Variants in KRT84 observed in about 807,000 individuals in gnomAD.
KRT84 encodes the protein keratin 84, also known as keratin, type II cuticular Hb4.
In KRT84, 38 loss-of-function variants were observed where a neutral mutation model predicts 49.0. The observed-to-expected ratio is 0.78, with a 90% CI of 0.60 to 1.02. KRT84 has a LOEUF of 1.02. KRT84 is among the 50% of genes least tolerant of loss of function. The probability of loss-of-function intolerance (pLI) is 0.00; values close to 1 mark genes in which losing one functional copy is unlikely to be tolerated. For missense variants in KRT84, 860 were observed against 788.6 expected, an observed-to-expected ratio of 1.09 and a Z score of -1.08; for synonymous variants, 334 against 312.8, an observed-to-expected ratio of 1.07 and a Z score of -0.72.
Position 52,381,088 on chromosome 12 carries a change from T to C in KRT84, c.1195A>G (p.Lys399Glu), listed in dbSNP as rs758410323. The change falls in exon 6 of 9, where the codon AAG (lysine) becomes GAG (glutamate). Residue 399 changes from lysine (K) to glutamate (E), a missense_variant. Coordinates refer to ENST00000257951, the MANE Select transcript of KRT84 (RefSeq NM_033045.4). Reference sequence around the variant, plus strand: ...TCCTTTCCTTTGCCCACCTGAGCCTTGGCGTGCTCAATCTCTGCCTTAAGC... The same window carrying C: ...TCCTTTCCTTTGCCCACCTGAGCCTCGGCGTGCTCAATCTCTGCCTTAAGC... The part of the protein sequence containing the change: ...QRLKAEIEHA[K>E]AQRAKLEAAV... 7.4e-6 allele frequency: 12 copies of C among 1,613,940 alleles called. No individual in the cohort carries two copies. The highest frequency in any genetic ancestry group is 1.0e-5 in the Non-Finnish European group (12 of 1,179,976).
In KRT84 at chr12:52,381,440, A is replaced by T. The variant is rs781128772; in HGVS notation, c.998T>A (p.Ile333Asn). The change falls in exon 5 of 9, where the codon ATC becomes AAC. Residue 333 changes from isoleucine to asparagine, a missense_variant. By Grantham distance (149) the Ile-to-Asn change is moderately radical. Coordinates refer to ENST00000257951, the MANE Select transcript of KRT84 (RefSeq NM_033045.4). ...ATACTGGGCCTTGACCTCAGCAATG[A>T]TCCCATCAAGGTTCAGGTCACGGCT... ...DNSRDLNLDGIIAEVKAQYEE... is the reference protein window; with the variant it reads ...DNSRDLNLDGNIAEVKAQYEE... The T allele has an allele frequency of 7.4e-6, 12 of 1,614,170 alleles. No individual in the cohort carries two copies. The South Asian group carries it at 1.3e-4, about 18-fold the overall frequency.
chr12:52,380,239 G>T, intron 7 of KRT84, 124 bp downstream of exon 7: 1 of 1,194,834 alleles, frequency 8.4e-7, no homozygotes. Flanking sequence ...AATGTTTGCA[G>T]AGAAGGTATT....
At chr12:52,382,638 T>A in intron 3 of KRT84, 106 bp from the exon 4 acceptor site, 2 of 877,020 alleles carry the variant, frequency 2.3e-6, no homozygotes, top group Non-Finnish European at 3.7e-6. Context: ...CCACAGATGG[T>A]AAGGTCGCTG....
At chr12:52,381,041 C>T (rs1414440244) in intron 6 of KRT84, 39 bp downstream of exon 6, 1 of 1,605,940 alleles carries the variant, frequency 6.2e-7, no homozygotes, top group Non-Finnish European at 8.5e-7. Context: ...GGCCCTGGTT[C>T]TCCCTCATCT....
Position 52,385,271 on chromosome 12 carries a change from C to T in KRT84, c.315G>A (p.Leu105=). The T allele has an allele frequency of 1.2e-6, 2 of 1,614,096 alleles. No homozygotes were observed. Among genetic ancestry groups the T allele is most frequent in the Non-Finnish European group, 1.7e-6 (2 of 1,180,036 alleles). The change falls in exon 1 of 9, where the codon CTG becomes CTA. Residue 105 remains leucine, a synonymous_variant. Transcript: ENST00000257951. ...LGPRADSCVG[L]GFGAGSGIGY... Reference sequence around the variant, plus strand: ...CAATGCCACTGCCAGCTCCAAAGCCCAGACCAACACAGCTGTCAGCCCTAG... The same window carrying T: ...CAATGCCACTGCCAGCTCCAAAGCCTAGACCAACACAGCTGTCAGCCCTAG...
In KRT84 at chr12:52,380,483, T is replaced by C. The variant is rs780063148; in HGVS notation, c.1304A>G (p.Gln435Arg). The C allele has an allele frequency of 1.4e-5, 23 of 1,613,848 alleles. No homozygotes were observed. ...CKLADLECAL[Q>R]QAKQDMARQL... ...CCGCGCCATGTCCTGCTTGGCCTGC[T>C]GCAGGGCACACTCCAGATCTGCCAG... The change falls in exon 7 of 9, where the codon CAG becomes CGG. Residue 435 changes from glutamine (Q) to arginine (R), a missense_variant. Transcript: ENST00000257951.
intron 8 of KRT84, 106 bp from the exon 9 acceptor site, chr12:52,378,486 G>T: frequency 1.2e-6 from 1 of 847,636 alleles, no homozygotes; most frequent in Non-Finnish European, 1.7e-6. Flanking sequence ...AGTGGGGTCA[G>T]GGTTGTGGCA....
At chr12:52,381,329 C>T (rs1474855349) in intron 5 of KRT84, 32 bp downstream of exon 5, 1 of 1,613,902 alleles carries the variant, frequency 6.2e-7, no homozygotes, top group South Asian at 1.1e-5. Context: ...CCCAGAGCTG[C>T]CTACATCCCT....
At chr12:52,383,889 C>T in intron 1 of KRT84, 91 bp from the exon 2 acceptor site, 2 of 1,025,274 alleles carry the variant, frequency 2.0e-6, no homozygotes, top group Non-Finnish European at 2.9e-6. Context: ...GATGACTTGA[C>T]CACATGTCGA....
Position 52,380,032 on chromosome 12 carries a change from A to C in KRT84, c.1425-125T>G, listed in dbSNP as rs566620083. The C allele has an allele frequency of 7.5e-5, 62 of 828,892 alleles. No homozygotes were observed. In the South Asian group the frequency reaches 9.4e-4, roughly 13 times the overall value. The allele number at this position is 828,892 out of a possible 1,614,324, so 51.3% of individuals were successfully genotyped here. On this transcript the variant is annotated intron_variant, in intron 7 of 8. Transcript: ENST00000257951. ...CAGTAGTTCTCACCCCTGGTTATACACACATCTGGGGAGCGTTGAAAAACA... is the reference window on the plus strand; with the variant it reads ...CAGTAGTTCTCACCCCTGGTTATACCCACATCTGGGGAGCGTTGAAAAACA...
intron 2 of KRT84, 78 bp from the exon 3 acceptor site, chr12:52,383,143 C>T: frequency 2.6e-6 from 3 of 1,155,900 alleles, no homozygotes; most frequent in Non-Finnish European, 3.9e-6. Context: ...GTGAACCTTG[C>T]AAGATCTCTC....
chr12:52,386,667 T>A (rs1483941385), upstream of KRT84, among the ~76,000 whole-genome samples: 5 of 152,152 alleles, frequency 3.3e-5, no homozygotes, highest in African/African-American at 1.2e-4. Context: ...GCCTGTCCAT[T>A]TAGGTTCCTT....
chr12:52,382,391 C>A, intron 4 of KRT84, 46 bp downstream of exon 4: 1 of 1,299,172 alleles, frequency 7.7e-7, no homozygotes, highest in Non-Finnish European at 1.1e-6. Context: ...GGAGTCCAGG[C>A]CAAGCATTGA....
Position 52,383,652 on chromosome 12 carries a change from A to G in KRT84, c.693T>C (p.Asp231=). The change falls in exon 2 of 9, where the codon GAT becomes GAC. Residue 231 remains aspartate, a synonymous_variant. Coordinates refer to ENST00000257951, the MANE Select transcript of KRT84 (RefSeq NM_033045.4). ...LRRQLEVLVS[D]QARLQAERNH... The stretch of plus-strand genomic sequence containing the variant: ...TCCTCTCAGCCTGGAGCCGGGCCTG[A>G]TCACTGACCAGCACCTCCAACTGCC... The G allele has an allele frequency of 6.2e-7, 1 of 1,614,090 alleles. No individual in the cohort carries two copies. Among genetic ancestry groups the G allele is most frequent in the Non-Finnish European group, 8.5e-7 (1 of 1,180,030 alleles).
upstream of KRT84, chr12:52,385,749 T>C (rs1026157109): frequency 4.4e-6 from 3 of 689,026 alleles, no homozygotes; most frequent in African/African-American, 5.4e-5. Flanking sequence ...ATTTATGAGC[T>C]TGGGTAGTTA....
chr12:52,382,429 A>T lies in KRT84; in HGVS notation c.912+8T>A. The T allele has an allele frequency of 6.2e-7, 1 of 1,601,908 alleles. No homozygotes were observed. The highest frequency in any genetic ancestry group is 8.6e-7 in the Non-Finnish European group (1 of 1,168,938). On this transcript the variant is annotated splice_region_variant and intron_variant, in intron 4 of 8. Transcript: ENST00000257951. ...TCCTTGGGTGCCCTAGAGAAGATGA[A>T]CCCTCACCTCCATGTAAAGCGTTTT...
At chr12:52,383,989 A>G (rs1939531672) in intron 1 of KRT84, among the ~76,000 whole-genome samples, 191 bp from the exon 2 acceptor site, 1 of 152,220 alleles carries the variant, frequency 6.6e-6, no homozygotes, top group Non-Finnish European at 1.5e-5. Flanking sequence ...GTGCTCGGCT[A>G]GGCCTAGTTA....
In KRT84 at chr12:52,380,561, A is replaced by C. The variant is rs1319050800; in HGVS notation, c.1226T>G (p.Val409Gly). The C allele has an allele frequency of 6.2e-7, 1 of 1,612,710 alleles. No homozygotes were observed. Among genetic ancestry groups the C allele is most frequent in the East Asian group, 2.2e-5 (1 of 44,856 alleles). ...CTCGCCCTGCTGCTCGGCCTCGGCC[A>C]CTGCAGCCTCCAACTTGGCACGCTG... ...KAQRAKLEAA[V>G]AEAEQQGEAT... The change falls in exon 7 of 9, where the codon GTG (valine) becomes GGG (glycine). Residue 409 changes from valine (V) to glycine (G), a missense_variant. Val to Gly is a moderately radical substitution (Grantham distance 109). Transcript: ENST00000257951.
At chr12:52,379,779 GC>G in intron 8 of KRT84, 96 bp downstream of exon 8, 1 of 980,984 alleles carries the variant, frequency 1.0e-6, no homozygotes, top group Non-Finnish European at 1.6e-6. Context: ...GGCCAGACCG[GC>G]CATGTCGGAC....
Sources: allele counts gnomAD v4.1 joint callset (sites outside exome capture counted in the v4.1 genomes callset), GRCh38; gene constraint gnomAD v4.1.1; transcripts MANE v1.5; gene names NCBI Gene and HGNC (gene_info 2026-07-23, HGNC 2026-07-21).